The following ERCC1 variants were observed in gnomAD, a reference collection of about 807,000 sequenced individuals.
ERCC1 encodes DNA excision repair protein ERCC-1.
In ERCC1, 36 loss-of-function variants were observed where a neutral mutation model predicts 37.6. That is an observed-to-expected ratio of 0.96 (90% CI 0.73 to 1.26). The LOEUF (loss-of-function observed/expected upper bound fraction) is 1.26, where lower values mean the gene tolerates loss of function less well. Among genes scored for constraint, ERCC1 ranks in the 50% most tolerant of loss-of-function variants. The pLI is 0.00. For missense variants in ERCC1, 349 were observed against 376.5 expected, an observed-to-expected ratio of 0.93 and a Z score of 0.60; for synonymous variants, 156 against 162.1, an observed-to-expected ratio of 0.96 and a Z score of 0.28.
At chr19:45,424,928 T>C (rs1046596277), upstream of ERCC1, among the ~76,000 whole-genome samples, 1 of 149,048 alleles carries the variant, frequency 6.7e-6, no homozygotes, top group Non-Finnish European at 1.5e-5. Flanking sequence ...TTTTCTTTTT[T>C]TTTTTTTTTT....
chr19:45,438,017 C>T (rs1290035055), intron 1 of ERCC1, among the ~76,000 whole-genome samples: 1 of 151,690 alleles, frequency 6.6e-6, no homozygotes, highest in Non-Finnish European at 1.5e-5. Flanking sequence ...AAGTGATTCT[C>T]CTGCCTCCGC....
intron 5 of ERCC1, among the ~76,000 whole-genome samples, chr19:45,418,822 T>TCAAA (rs111532874): frequency 6.2e-4 from 94 of 152,202 alleles, no homozygotes; most frequent in Admixed American, 1.6e-3. Context: ...AAACTCCGTC[T>TCAAA]CAAACAAACA....
chr19:45,414,119 T>C lies in ERCC1; in HGVS notation c.703-85A>G. The C allele has an allele frequency of 3.7e-6, 4 of 1,095,764 alleles. No homozygotes were observed. In the South Asian group the frequency reaches 5.0e-5, roughly 14 times the overall value. The allele number at this position is 1,095,764 out of a possible 1,614,324, so 67.9% of individuals were successfully genotyped here. On this transcript the variant is annotated intron_variant, in intron 7 of 9. Coordinates refer to ENST00000300853, the MANE Select transcript of ERCC1 (RefSeq NM_001983.4). ...GGAGGGCAGGGCTGGGTCACAGCTG[T>C]GTCCCCAGACTGCCTGGCGTGCAGG...
chr19:45,427,015 G>C (rs2123557755), upstream of ERCC1, among the ~76,000 whole-genome samples: 2 of 145,822 alleles, frequency 1.4e-5, no homozygotes, highest in Middle Eastern at 7.4e-3. Context: ...TGTAGTCCCA[G>C]ATACTCAGGA....
intron 1 of ERCC1, among the ~76,000 whole-genome samples, chr19:45,450,900 C>T (rs1213064656): frequency 7.2e-5 from 7 of 97,804 alleles, no homozygotes; most frequent in Admixed American, 1.6e-4. Context: ...CCCCCCCCCC[C>T]CCCCCACGCC....
At chr19:45,443,404 G>A (rs1010147321) in intron 1 of ERCC1, among the ~76,000 whole-genome samples, 3 of 152,174 alleles carry the variant, frequency 2.0e-5, no homozygotes, top group Non-Finnish European at 2.9e-5. Flanking sequence ...CGGTCATTGG[G>A]CTGCTTCAAC....
Position 45,420,286 on chromosome 19 carries a change from G to T in ERCC1, c.425+38C>A, listed in dbSNP as rs1655801348. ...CATGACCCTCCCAGGCCAGTGGGGT[G>T]CCCTTCCTGAAGTCTGGGGTGGCGC... On this transcript the variant is annotated intron_variant, in intron 4 of 9. Transcript: ENST00000300853. The surrounding 1 kb of genome is among the most constrained non-coding windows in gnomAD (Gnocchi z 4.8). The T allele has an allele frequency of 7.5e-7, 1 of 1,332,930 alleles. No homozygotes were observed. 82.6% of individuals were successfully genotyped at this position (1,332,930 alleles called of 1,614,324 possible). A position where few individuals can be genotyped will look rare whatever the true frequency, so the allele number is the denominator to read the frequency against.
chr19:45,409,431 C>G lies in ERCC1; in HGVS notation c.*244G>C, dbSNP rs1029847463. ...GAGATGCCAGGGCCGCCACTGAATT[C>G]AGAGTCTGGGGAGGAGGCTCCCACA... On this transcript the variant is annotated 3_prime_UTR_variant, in exon 10 of 10. Transcript: ENST00000300853. 1 of 1,613,676 alleles carries G rather than the reference C, an allele frequency of 6.2e-7. No individual in the cohort carries two copies. Among genetic ancestry groups the G allele is most frequent in the South Asian group, 1.1e-5 (1 of 91,078 alleles).
intron 4 of ERCC1, chr19:45,419,514 C>T (rs3212960): frequency 0.012 from 4,622 of 371,730 alleles, 82 homozygotes; most frequent in South Asian, 0.04. Flanking sequence ...CACGGGGACA[C>T]TGCATGGCTC....
In ERCC1 at chr19:45,409,740, G is replaced by A. The variant is rs1260687490; in HGVS notation, c.844-15C>T. On this transcript the variant is annotated splice_polypyrimidine_tract_variant and intron_variant, in intron 9 of 9. Coordinates refer to ENST00000300853, the MANE Select transcript of ERCC1 (RefSeq NM_001983.4). ...AGCCTCCGGGCCTGGATGGGAGGGA[G>A]AAAAAAATGAGGAACCAGTCATTAA... 2.5e-6 allele frequency: 2 copies of A among 794,096 alleles called. No individual in the cohort carries two copies. The highest frequency in any genetic ancestry group is 1.4e-5 in the South Asian group (1 of 73,512). The allele number at this position is 794,096 out of a possible 1,614,324, so 49.2% of individuals were successfully genotyped here.
chr19:45,410,108 C>T lies in ERCC1; in HGVS notation c.844-383G>A, dbSNP rs186314548. 1,134 of 155,820 alleles carry T rather than the reference C, an allele frequency of 7.3e-3. 8 individuals are homozygous for T. Among genetic ancestry groups the T allele is most frequent in the African/African-American group, 0.026 (1,073 of 41,346 alleles). The allele number at this position is 155,820 out of a possible 1,614,324, so 9.7% of individuals were successfully genotyped here. A position where few individuals can be genotyped will look rare whatever the true frequency, so the allele number is the denominator to read the frequency against. The stretch of plus-strand genomic sequence containing the variant: ...TTCACCACGTTAGCCAGGATGGTCT[C>T]GATCTCCTGACCTCCTGATGCGCCT... On this transcript the variant is annotated intron_variant, in intron 9 of 9. Transcript: ENST00000300853.
At chr19:45,442,164 T>A (rs1975137354) in intron 1 of ERCC1, among the ~76,000 whole-genome samples, 2 of 141,272 alleles carry the variant, frequency 1.4e-5, no homozygotes, top group Admixed American at 1.5e-4. Flanking sequence ...AAATTTTTTT[T>A]AATTAGCCAA....
chr19:45,433,070 A>T (rs1038216316), intron 1 of ERCC1, among the ~76,000 whole-genome samples: 4 of 151,368 alleles, frequency 2.6e-5, no homozygotes, highest in South Asian at 2.1e-4. Flanking sequence ...ACAAGAATGA[A>T]ACTCTGTCTC....
chr19:45,432,484 T>C (rs2123575145), intron 1 of ERCC1, among the ~76,000 whole-genome samples: 1 of 152,160 alleles, frequency 6.6e-6, no homozygotes, highest in African/African-American at 2.4e-5. Flanking sequence ...AGTTTTGATT[T>C]CCATTACAGT....
chr19:45,415,337 G>GAAAAA, intron 6 of ERCC1, among the ~76,000 whole-genome samples: 1 of 67,506 alleles, frequency 1.5e-5, no homozygotes. Flanking sequence ...CTCCATTTCA[G>GAAAAA]AAAAAAAAAA....
At chr19:45,441,669 C>G (rs539081457) in intron 1 of ERCC1, among the ~76,000 whole-genome samples, 40 of 143,598 alleles carry the variant, frequency 2.8e-4, no homozygotes, top group African/African-American at 9.3e-4. Flanking sequence ...GCCACTGCGT[C>G]CAGCCTAATT....
At chr19:45,447,573 C>A (rs1371125513) in intron 1 of ERCC1, among the ~76,000 whole-genome samples, 1 of 151,884 alleles carries the variant, frequency 6.6e-6, no homozygotes, top group Non-Finnish European at 1.5e-5. Context: ...CTGTGCCGGG[C>A]GTCTATCTCT....
In ERCC1 at chr19:45,407,928, C is replaced by A; in HGVS notation, c.*1747G>T. On this transcript the variant is annotated 3_prime_UTR_variant, in exon 10 of 10. Coordinates refer to ENST00000300853, the MANE Select transcript of ERCC1 (RefSeq NM_001983.4). ...AATTGGCTGGGCGTGGTGGCAGGTG[C>A]CTGTAATCCCAGCTACTTGAGAGGC... is the stretch of plus-strand genomic sequence containing the variant. 1.8e-6 allele frequency: 1 copy of A among 541,278 alleles called. No individual in the cohort carries two copies. 33.5% of individuals were successfully genotyped at this position (541,278 alleles called of 1,614,324 possible). A position where few individuals can be genotyped will look rare whatever the true frequency, so the allele number is the denominator to read the frequency against.
At position 45,408,916 on chromosome 19, in the gene ERCC1, G is replaced by A. The variant is rs200618543; in HGVS notation, c.*759C>T. On this transcript the variant is annotated 3_prime_UTR_variant, in exon 10 of 10. Coordinates refer to ENST00000300853, the MANE Select transcript of ERCC1 (RefSeq NM_001983.4). The stretch of plus-strand genomic sequence containing the variant: ...AGTCTCAGCCACAGGTGAAGGTGGA[G>A]CCACTGGAGGAAGCCATCCCTCTGC... 2.5e-6 allele frequency: 4 copies of A among 1,614,164 alleles called. No individual in the cohort carries two copies. The highest frequency in any genetic ancestry group is 4.5e-5 in the East Asian group (2 of 44,876).
Sources: gnomAD v4.1 joint callset for allele counts (sites outside exome capture counted in the v4.1 genomes callset) on GRCh38, gnomAD v4.1.1 for gene constraint, Gnocchi (gnomAD v3.1) non-coding constraint, MANE v1.5 for transcripts, NCBI Gene and HGNC (gene_info 2026-07-23, HGNC 2026-07-21) for gene names.